Variants in RUFY2 observed in about 807,000 individuals in gnomAD.
The protein encoded by RUFY2 is RUN and FYVE domain containing 2, also known as RUN and FYVE domain-containing protein 2.
A neutral mutation model predicts 94.4 loss-of-function variants in RUFY2; 49 were observed. That is an observed-to-expected ratio of 0.52 (90% CI 0.41 to 0.66). The LOEUF (loss-of-function observed/expected upper bound fraction) is 0.66, where lower values mean the gene tolerates loss of function less well. Among genes scored for constraint, RUFY2 ranks in the 30% least tolerant of loss-of-function variants. The pLI is 0.00. For synonymous variants in RUFY2, 255 were observed against 235.7 expected (o/e 1.08, Z -0.75); for missense variants, 541 against 692.8 (o/e 0.78, Z 2.46).
chr10:68,387,875 C>T (rs1305724768), intron 7 of RUFY2, among the ~76,000 whole-genome samples: 2 of 151,878 alleles, frequency 1.3e-5, no homozygotes, highest in East Asian at 1.9e-4. Context: ...TGGTGGCACA[C>T]GCCTGTAATC....
At chr10:68,378,893 G>A (rs1207169956) in intron 12 of RUFY2, among the ~76,000 whole-genome samples, 3 of 152,106 alleles carry the variant, frequency 2.0e-5, no homozygotes, top group Non-Finnish European at 4.4e-5. Flanking sequence ...CAGGGCAATG[G>A]AAATACATTA....
downstream of RUFY2, chr10:68,341,156 G>A (rs774582118): frequency 1.6e-5 from 24 of 1,503,250 alleles, 1 homozygote; most frequent in South Asian, 2.8e-4. Flanking sequence ...AAGTAAATAA[G>A]TGTTTCCTTT....
chr10:68,394,820 G>T (rs973276932), intron 4 of RUFY2, among the ~76,000 whole-genome samples: 3 of 151,372 alleles, frequency 2.0e-5, no homozygotes, highest in Non-Finnish European at 3.0e-5. Context: ...TAGTAGAGAC[G>T]GGGTTTCACC....
Position 68,345,401 on chromosome 10 carries a change from T to C in RUFY2, c.*367A>G. ...GTTTCCAGTTTCAGAACTGTGAAGCTTTAAAGTGCATTAAGAGAACTGCAG... is the reference window on the plus strand; with the variant it reads ...GTTTCCAGTTTCAGAACTGTGAAGCCTTAAAGTGCATTAAGAGAACTGCAG... On this transcript the variant is annotated 3_prime_UTR_variant, in exon 18 of 18. Transcript: ENST00000602465. 2.5e-6 allele frequency: 1 copy of C among 395,782 alleles called. No individual in the cohort carries two copies. The highest frequency in any genetic ancestry group is 3.6e-5 in the East Asian group (1 of 27,888). 24.5% of individuals were successfully genotyped at this position (395,782 alleles called of 1,614,324 possible). A position where few individuals can be genotyped will look rare whatever the true frequency, so the allele number is the denominator to read the frequency against.
In RUFY2 at chr10:68,364,130, C is replaced by T. The variant is rs1199496825; in HGVS notation, c.1326-17G>A. The T allele has an allele frequency of 1.2e-6, 2 of 1,606,318 alleles. No homozygotes were observed. The highest frequency in any genetic ancestry group is 1.7e-5 in the Admixed American group (1 of 59,392). On this transcript the variant is annotated splice_polypyrimidine_tract_variant and intron_variant, in intron 13 of 17. Transcript: ENST00000602465. ...AGTTGCACCCTTGAATGACAAATAA[C>T]ACACAGAAGCTCAGTGCTATTTCTC...
chr10:68,392,511 G>A (rs1291405917), intron 7 of RUFY2, among the ~76,000 whole-genome samples: 5 of 152,070 alleles, frequency 3.3e-5, no homozygotes, highest in African/African-American at 1.2e-4. Flanking sequence ...TTTGAAGTAG[G>A]AAAAATGAAT....
chr10:68,349,422 A>C (rs2046500683), intron 16 of RUFY2, among the ~76,000 whole-genome samples: 2 of 151,834 alleles, frequency 1.3e-5, no homozygotes, highest in Non-Finnish European at 2.9e-5. Flanking sequence ...CAGGAGGCTG[A>C]GGGGGGGAGG....
intron 15 of RUFY2, among the ~76,000 whole-genome samples, chr10:68,363,163 T>C (rs1413104301): frequency 2.6e-5 from 4 of 152,192 alleles, no homozygotes; most frequent in Admixed American, 6.5e-5. Flanking sequence ...TTTTAATCTT[T>C]AGAGTTTTTG....
intron 16 of RUFY2, among the ~76,000 whole-genome samples, chr10:68,349,517 T>TAAAAAAATTTTTTTTTAAAGAA (rs1206263935): frequency 2.6e-5 from 4 of 151,908 alleles, no homozygotes; most frequent in Admixed American, 6.6e-5. Context: ...ACACTGTCTC[T>TAAAAAAATTTTTTTTTAAAGAA]AAAAAAATTT....
downstream of RUFY2, chr10:68,341,577 T>TC (rs1338934507): frequency 2.5e-6 from 4 of 1,578,720 alleles, 1 homozygote; most frequent in Admixed American, 7.0e-5. Context: ...TTTCTTTTTT[T>TC]CTTAAAGAAC....
At chr10:68,356,081 G>T (rs889654439) in intron 15 of RUFY2, among the ~76,000 whole-genome samples, 1 of 152,100 alleles carries the variant, frequency 6.6e-6, no homozygotes, top group Non-Finnish European at 1.5e-5. Context: ...ATGAAGTTTA[G>T]TCACTTGTAA....
chr10:68,383,910 G>T lies in RUFY2; in HGVS notation c.827C>A (p.Thr276Asn), dbSNP rs748515809. ...AAGCTCAGTTTCCACATCTACTTTG[G>T]TAACCTAGGAAGAAAACAAAATTTT... ...LMKTQQHLEV[T>N]KVDVETELQT... Residue 276 changes from threonine to asparagine, a missense_variant, in exon 10 of 18, where the codon ACC (threonine) becomes AAC (asparagine). Physicochemically the swap from Thr to Asn is moderately conservative, Grantham distance 65 (BLOSUM62 0). Around this residue, in one of 3 missense-constraint regions of RUFY2, gnomAD observed 403 missense variants for 480.7 expected, o/e 0.84. Coordinates refer to ENST00000602465, the MANE Select transcript of RUFY2 (RefSeq NM_001330103.2). 1 of 1,612,620 alleles carries T rather than the reference G, an allele frequency of 6.2e-7. No homozygotes were observed. Among genetic ancestry groups the T allele is most frequent in the Admixed American group, 1.7e-5 (1 of 59,968 alleles).
At chr10:68,405,665 C>T in intron 1 of RUFY2, 1 of 974,014 alleles carries the variant, frequency 1.0e-6, no homozygotes, top group Non-Finnish European at 1.2e-6. Context: ...AGGTAAAATA[C>T]ACTGACAAGG....
chr10:68,397,861 G>A (rs1433353664), intron 3 of RUFY2, among the ~76,000 whole-genome samples: 1 of 151,992 alleles, frequency 6.6e-6, no homozygotes, highest in Non-Finnish European at 1.5e-5. Context: ...GGGCCCAGTG[G>A]CTTACACCTG....
At chr10:68,343,140 GTTAC>G (rs1299868082), downstream of RUFY2, 1 of 152,148 alleles carries the variant, frequency 6.6e-6, no homozygotes, top group East Asian at 1.9e-4. Context: ...TATTGAACTT[GTTAC>G]TTGTTTTTGC....
chr10:68,350,580 G>T (rs576441229), intron 16 of RUFY2, among the ~76,000 whole-genome samples: 1 of 152,292 alleles, frequency 6.6e-6, no homozygotes, highest in African/African-American at 2.4e-5. Context: ...GCAAAACAAA[G>T]TAATAATTAA....
downstream of RUFY2, chr10:68,341,862 C>A (rs200059151): frequency 2.6e-5 from 41 of 1,604,562 alleles, no homozygotes; most frequent in Non-Finnish European, 9.4e-6. Context: ...GTAAGTATCT[C>A]TAGTTCAGTT....
chr10:68,400,961 C>A (rs909149871), intron 3 of RUFY2, among the ~76,000 whole-genome samples: 1 of 151,714 alleles, frequency 6.6e-6, no homozygotes, highest in Admixed American at 6.6e-5. Flanking sequence ...TGCAGTGAGC[C>A]GAGATCGTGC....
chr10:68,391,044 C>T (rs747997423), intron 7 of RUFY2, among the ~76,000 whole-genome samples: 25 of 151,478 alleles, frequency 1.7e-4, no homozygotes, highest in Non-Finnish European at 3.1e-4. Flanking sequence ...GAGCAATTCT[C>T]CTGCCTCAGC....
Sources: gnomAD v4.1 joint callset for allele counts (sites outside exome capture counted in the v4.1 genomes callset) on GRCh38, gnomAD v4.1.1 for gene constraint, gnomAD v4.1.1 regional missense constraint, MANE v1.5 for transcripts, NCBI Gene and HGNC (gene_info 2026-07-23, HGNC 2026-07-21) for gene names.